Variants in CDH2 observed in about 807,000 individuals in gnomAD.
CDH2 encodes the protein cadherin 2.
Under a neutral mutation model 92.0 loss-of-function variants are expected in CDH2, and 17 were observed. That is an observed-to-expected ratio of 0.18 (90% confidence interval 0.13 to 0.28). The LOEUF (loss-of-function observed/expected upper bound fraction) is 0.28. Ranked by LOEUF, CDH2 falls within the 10% of genes least tolerant of loss-of-function variation. CDH2 has a pLI of 1.00. For missense variants in CDH2, 862 were observed against 1,133.1 expected (o/e 0.76, Z 3.44); for synonymous variants, 419 against 415.9 (o/e 1.01, Z -0.09).
intron 1 of CDH2, among the ~76,000 whole-genome samples, chr18:28,167,811 T>C (rs545269748): frequency 4.7e-4 from 72 of 152,278 alleles, no homozygotes; most frequent in African/African-American, 1.7e-3. Context: ...CCCTAAAATA[T>C]CATATCAGGT....
intron 1 of CDH2, among the ~76,000 whole-genome samples, chr18:28,158,581 C>A (rs1029743799): frequency 2.6e-5 from 4 of 152,196 alleles, no homozygotes; most frequent in African/African-American, 7.2e-5. Flanking sequence ...TTCCACTGCC[C>A]AGTCAGTGTT....
chr18:28,029,487 CTT>C (rs967255731), intron 2 of CDH2, among the ~76,000 whole-genome samples: 6 of 151,982 alleles, frequency 3.9e-5, no homozygotes, highest in East Asian at 3.9e-4. Context: ...TGTTCCCTCT[CTT>C]TGTTATACCC....
rs2012617738 is a variant in CDH2, at chr18:27,997,423, CCAAATG to C, written c.1021-3792_1021-3787del. Among the ~76,000 whole-genome samples, 4 of 152,220 alleles carry C rather than the reference CCAAATG, an allele frequency of 2.6e-5. No homozygotes were observed. In the South Asian group the frequency reaches 8.3e-4, roughly 32 times the overall value. ...AGGATCACAGGACCATATAGAGCCACCAAATGCATGAGTGCAAGTCTAGAAATGGTA... is the reference window on the plus strand; with the variant it reads ...AGGATCACAGGACCATATAGAGCCACCATGAGTGCAAGTCTAGAAATGGTA... On this transcript the variant is annotated intron_variant, in intron 7 of 15. Coordinates refer to ENST00000269141, the MANE Select transcript of CDH2 (RefSeq NM_001792.5).
intron 1 of CDH2, among the ~76,000 whole-genome samples, chr18:28,174,743 T>C (rs2144376709): frequency 6.6e-6 from 1 of 152,320 alleles, no homozygotes; most frequent in Non-Finnish European, 1.5e-5. Context: ...CACATAGATT[T>C]CCCACAGTAT....
chr18:28,124,988 T>G (rs1390842039), intron 2 of CDH2, among the ~76,000 whole-genome samples: 2 of 152,244 alleles, frequency 1.3e-5, no homozygotes, highest in Non-Finnish European at 2.9e-5. Flanking sequence ...AACATCTTTA[T>G]GTCCACTTTA....
intron 6 of CDH2, 97 bp from the exon 7 acceptor site, chr18:28,003,266 C>A: frequency 1.1e-6 from 1 of 884,820 alleles, no homozygotes; most frequent in South Asian, 2.1e-5. Context: ...CTTATTTTCA[C>A]TTTTTAAAAA....
At chr18:28,043,889 G>GTTTTTTTTT (rs1298359943) in intron 2 of CDH2, among the ~76,000 whole-genome samples, 1 of 78,246 alleles carries the variant, frequency 1.3e-5, no homozygotes, top group Non-Finnish European at 2.8e-5. Flanking sequence ...CAGAATCTCG[G>GTTTTTTTTT]ATTTTTTTTT....
intron 1 of CDH2, among the ~76,000 whole-genome samples, chr18:28,154,773 T>A (rs959427634): frequency 2.6e-5 from 4 of 152,180 alleles, no homozygotes; most frequent in Non-Finnish European, 4.4e-5. Flanking sequence ...GGAATCACCA[T>A]GGACAGACTT....
chr18:28,051,865 C>A (rs2014198431), intron 2 of CDH2, among the ~76,000 whole-genome samples: 1 of 152,004 alleles, frequency 6.6e-6, no homozygotes, highest in South Asian at 2.1e-4. Context: ...GGAATGATTG[C>A]AAAATACACA....
intron 1 of CDH2, among the ~76,000 whole-genome samples, chr18:28,174,506 T>C (rs541275207): frequency 6.6e-6 from 1 of 152,334 alleles, no homozygotes; most frequent in East Asian, 1.9e-4. Flanking sequence ...ATTAGAGGAC[T>C]GCCAAATAAC....
intron 2 of CDH2, among the ~76,000 whole-genome samples, chr18:28,119,583 A>C (rs1448866557): frequency 6.6e-6 from 1 of 152,142 alleles, no homozygotes; most frequent in African/African-American, 2.4e-5. Context: ...GACATTCTAC[A>C]ACTGATCAAT....
Position 27,935,363 on chromosome 18 carries a change from G to A in CDH2, c.1152-2239C>T, listed in dbSNP as rs563107946. 2.8e-3 allele frequency among the ~76,000 whole-genome samples: 421 copies of A among 152,236 alleles called. 2 individuals are homozygous for A. The highest frequency in any genetic ancestry group is 3.8e-3 in the Non-Finnish European group (257 of 68,020). On this transcript the variant is annotated intron_variant, in intron 6 of 6. Coordinates refer to the CDH2 transcript ENST00000675173. Reference sequence around the variant, plus strand: ...AGACAGAGAGAGAGTGAAGTGGGAGGTGCTACATACTTTCACATAACCAGA... The same window carrying A: ...AGACAGAGAGAGAGTGAAGTGGGAGATGCTACATACTTTCACATAACCAGA...
intron 5 of CDH2, among the ~76,000 whole-genome samples, chr18:28,007,746 A>C (rs1037718072): frequency 6.6e-6 from 1 of 151,958 alleles, no homozygotes; most frequent in Non-Finnish European, 1.5e-5. Flanking sequence ...TGTGAGATGC[A>C]GTCTTGCTCT....
intron 1 of CDH2, among the ~76,000 whole-genome samples, chr18:28,165,559 A>G (rs560022970): frequency 2.6e-5 from 4 of 152,300 alleles, no homozygotes; most frequent in African/African-American, 9.6e-5. Flanking sequence ...TTTATTCTTC[A>G]TAACAACCTT....
intron 4 of CDH2, among the ~76,000 whole-genome samples, chr18:28,010,725 A>G (rs902739852): frequency 2.0e-4 from 31 of 151,414 alleles, no homozygotes; most frequent in Admixed American, 6.6e-5. Flanking sequence ...GCTGGAGTGC[A>G]GTAGCATGAT....
intron 2 of CDH2, among the ~76,000 whole-genome samples, chr18:28,125,036 C>T (rs2015653984): frequency 6.6e-6 from 1 of 152,176 alleles, no homozygotes; most frequent in Admixed American, 6.5e-5. Flanking sequence ...ACCTTACGTA[C>T]TTTTTAGTTG....
At chr18:27,986,471 A>T (rs2143958544) in intron 11 of CDH2, among the ~76,000 whole-genome samples, 1 of 152,182 alleles carries the variant, frequency 6.6e-6, no homozygotes, top group Admixed American at 6.5e-5. Flanking sequence ...CTGACCTCAA[A>T]CCCATTCTCA....
rs557507406 is a variant in CDH2, at chr18:28,074,307, T to C, written c.173-60398A>G. ...GTCATGACACATGCATACATGAGAA[T>C]GCTGAAGCCACCAGCATAACTGTGC... On this transcript the variant is annotated intron_variant, in intron 2 of 15. Transcript: ENST00000269141. 2.0e-5 allele frequency among the ~76,000 whole-genome samples: 3 copies of C among 152,320 alleles called. No individual in the cohort carries two copies. In the South Asian group the frequency reaches 6.2e-4, roughly 32 times the overall value.
chr18:28,138,040 A>ATG (rs748336586), intron 2 of CDH2, among the ~76,000 whole-genome samples: 370 of 150,184 alleles, frequency 2.5e-3, no homozygotes, highest in Admixed American at 7.7e-3. Context: ...GTGTGTCTGG[A>ATG]TGTGTGTGTG....
Sources: gnomAD v4.1 joint callset for allele counts (sites outside exome capture counted in the v4.1 genomes callset) on GRCh38, gnomAD v4.1.1 for gene constraint, MANE v1.5 for transcripts, NCBI Gene and HGNC (gene_info 2026-07-23, HGNC 2026-07-21) for gene names.